Variants in AKAP7 observed in about 807,000 individuals in gnomAD.
AKAP7 encodes A-kinase anchoring protein 7, also known as A kinase (PRKA) anchor protein 7.
In AKAP7, 39 loss-of-function variants were observed where a neutral mutation model predicts 39.5. The observed-to-expected ratio is 0.99, with a 90% CI of 0.76 to 1.29. The LOEUF is 1.29. Ranked by LOEUF, AKAP7 falls within the 50% of genes most tolerant of loss-of-function variation. AKAP7 has a pLI of 0.00. For synonymous variants in AKAP7, 140 were observed against 139.1 expected, an observed-to-expected ratio of 1.01 and a Z score of -0.05; for missense variants, 414 against 407.7, an observed-to-expected ratio of 1.02 and a Z score of -0.13.
intron 6 of AKAP7, among the ~76,000 whole-genome samples, chr6:131,205,536 AAT>A (rs1808011857): frequency 6.6e-6 from 1 of 152,140 alleles, no homozygotes; most frequent in Non-Finnish European, 1.5e-5. Flanking sequence ...CTAAACATTC[AAT>A]ATATTGTGTT....
At chr6:131,171,112 A>G (rs1162571160) in intron 5 of AKAP7, among the ~76,000 whole-genome samples, 1 of 152,186 alleles carries the variant, frequency 6.6e-6, no homozygotes, top group Admixed American at 6.5e-5. Flanking sequence ...GGAAGAATTC[A>G]TTCCTTTAGC....
chr6:131,196,771 T>C (rs1476847415), intron 5 of AKAP7, among the ~76,000 whole-genome samples: 3 of 152,160 alleles, frequency 2.0e-5, no homozygotes, highest in Non-Finnish European at 1.5e-5. Flanking sequence ...ATATGAATTT[T>C]TCACATGTAT....
At chr6:131,243,893 C>A (rs1235200936) in intron 7 of AKAP7, among the ~76,000 whole-genome samples, 1 of 151,918 alleles carries the variant, frequency 6.6e-6, no homozygotes, top group African/African-American at 2.4e-5. Context: ...GGTTTCTCCT[C>A]TGAAAGGTCT....
chr6:131,185,514 G>T, intron 5 of AKAP7: 1 of 286,828 alleles, frequency 3.5e-6, no homozygotes, highest in Non-Finnish European at 6.7e-6. Flanking sequence ...CTCCAGTAAT[G>T]GCCATTCTAA....
At chr6:131,216,822 G>A (rs1049644212) in intron 6 of AKAP7, among the ~76,000 whole-genome samples, 7 of 152,026 alleles carry the variant, frequency 4.6e-5, no homozygotes, top group East Asian at 1.9e-4. Flanking sequence ...CCTCCTCCTT[G>A]TTAGGTTTAA....
chr6:131,184,172 C>G (rs889155144), intron 5 of AKAP7, among the ~76,000 whole-genome samples: 4 of 152,218 alleles, frequency 2.6e-5, no homozygotes, highest in African/African-American at 9.6e-5. Context: ...GCTGCCACAT[C>G]AGCTTGTGGC....
chr6:131,140,530 C>G (rs1408136265), intron 1 of AKAP7, among the ~76,000 whole-genome samples: 2 of 152,158 alleles, frequency 1.3e-5, no homozygotes, highest in Non-Finnish European at 2.9e-5. Context: ...ATTAAGTTTC[C>G]TCTCCCTCAC....
At chr6:131,195,300 C>T (rs9492859) in intron 5 of AKAP7, among the ~76,000 whole-genome samples, 1,559 of 152,090 alleles carry the variant, frequency 0.01, 25 homozygotes, top group African/African-American at 0.034. Context: ...AACAAACAAG[C>T]AAAAAGAAAA....
In AKAP7 at chr6:131,260,794, C is replaced by CT. The variant is rs1276144615; in HGVS notation, c.851-20731dup. ...AATAGTTTCTTTTGCTGTGCAGAAGCTTTTTAGTTTAATTAGATTCCACTT... is the reference window on the plus strand; with the variant it reads ...AATAGTTTCTTTTGCTGTGCAGAAGCTTTTTTAGTTTAATTAGATTCCACTT... On this transcript the variant is annotated intron_variant, in intron 7 of 7. Transcript: ENST00000431975. Among the ~76,000 whole-genome samples the CT allele has an allele frequency of 1.6e-3, 246 of 152,204 alleles. 2 individuals are homozygous for CT. The highest frequency in any genetic ancestry group is 5.7e-3 in the African/African-American group (237 of 41,508).
rs1808339823 is a variant in AKAP7, at chr6:131,208,549, G to T, written c.702+8976G>T. Among the ~76,000 whole-genome samples the T allele has an allele frequency of 2.0e-5, 3 of 152,354 alleles. No homozygotes were observed. The South Asian group carries it at 6.2e-4, about 32-fold the overall frequency. ...AAAGTGGAATGGAGATTTGAAGCAA[G>T]TATCTTCAATAGCATTTTCTGAGAT... On this transcript the variant is annotated intron_variant, in intron 6 of 7. Transcript: ENST00000431975.
chr6:131,232,856 T>C (rs903111777), intron 7 of AKAP7, among the ~76,000 whole-genome samples: 1 of 151,678 alleles, frequency 6.6e-6, no homozygotes, highest in Non-Finnish European at 1.5e-5. Flanking sequence ...AGAATACTTA[T>C]TGCAATGGTA....
chr6:131,213,671 C>A (rs1046752849), intron 6 of AKAP7, among the ~76,000 whole-genome samples: 4 of 151,980 alleles, frequency 2.6e-5, no homozygotes, highest in Non-Finnish European at 5.9e-5. Flanking sequence ...TTTTTTGAGC[C>A]CCTTCTTTGT....
rs1803359686 is a variant in AKAP7, at chr6:131,165,175, C to A, written c.386C>A (p.Thr129Asn). 1 of 1,610,094 alleles carries A rather than the reference C, an allele frequency of 6.2e-7. No individual in the cohort carries two copies. The highest frequency in any genetic ancestry group is 8.5e-7 in the Non-Finnish European group (1 of 1,177,398). ...GTCAGTGATGGTTCCTTTCATATTACCCTGCTGGTGATGCAATTATTAAAT... is the reference window on the plus strand; with the variant it reads ...GTCAGTGATGGTTCCTTTCATATTAACCTGCTGGTGATGCAATTATTAAAT... Reference protein sequence around the residue: ...AMVSDGSFHITLLVMQLLNED... With the variant: ...AMVSDGSFHINLLVMQLLNED... The change falls in exon 4 of 8, where the codon ACC (threonine) becomes AAC (asparagine). Residue 129 changes from threonine (T) to asparagine (N), a missense_variant. Physicochemically the swap from Thr to Asn is moderately conservative, Grantham distance 65 (BLOSUM62 0). Coordinates refer to ENST00000431975, the MANE Select transcript of AKAP7 (RefSeq NM_016377.4).
intron 5 of AKAP7, among the ~76,000 whole-genome samples, chr6:131,178,352 C>A (rs1490344334): frequency 6.6e-6 from 1 of 152,168 alleles, no homozygotes; most frequent in African/African-American, 2.4e-5. Flanking sequence ...ATAATCTATA[C>A]GAAGTGCTTA....
chr6:131,127,176 G>A, the AKAP7 span, among the ~76,000 whole-genome samples: 3 of 152,024 alleles, frequency 2.0e-5, no homozygotes, highest in Non-Finnish European at 4.4e-5. Context: ...CTCCTGAGTA[G>A]CTGGGATTAC....
At chr6:131,247,281 A>G (rs1233233656) in intron 7 of AKAP7, among the ~76,000 whole-genome samples, 455 of 28,654 alleles carry the variant, frequency 0.016, 11 homozygotes, top group Middle Eastern at 0.038. Flanking sequence ...ATATATATAT[A>G]TATATATATA....
chr6:131,250,505 T>C, intron 7 of AKAP7: 1 of 1,612,714 alleles, frequency 6.2e-7, no homozygotes, highest in Non-Finnish European at 8.5e-7. Flanking sequence ...TGCTATAAAC[T>C]GCAATTTCTA....
At chr6:131,185,296 C>T in intron 5 of AKAP7, 1 of 477,760 alleles carries the variant, frequency 2.1e-6, no homozygotes, top group South Asian at 1.9e-5. Context: ...AGAGGCCAAT[C>T]CTAGAACCTG....
chr6:131,251,132 C>G (rs915392133), intron 7 of AKAP7, among the ~76,000 whole-genome samples: 3 of 152,204 alleles, frequency 2.0e-5, no homozygotes, highest in Admixed American at 6.5e-5. Flanking sequence ...TGAGACCACT[C>G]TAAACAAGTG....
Sources: gnomAD v4.1 joint callset for allele counts (sites outside exome capture counted in the v4.1 genomes callset) on GRCh38, gnomAD v4.1.1 for gene constraint, MANE v1.5 for transcripts, NCBI Gene and HGNC (gene_info 2026-07-23, HGNC 2026-07-21) for gene names.